Variants in YEATS4 observed in about 807,000 individuals in gnomAD.
The protein encoded by YEATS4 is YEATS domain-containing protein 4.
A neutral mutation model predicts 30.1 loss-of-function variants in YEATS4; 17 were observed. The ratio of observed to expected loss-of-function variants is 0.56; its 90% CI spans 0.39 to 0.85. The LOEUF is 0.85. Ranked by LOEUF, YEATS4 falls within the 40% of genes least tolerant of loss-of-function variation. The pLI, the probability that YEATS4 is intolerant of heterozygous loss-of-function variation, is 0.00. For missense variants in YEATS4, 142 were observed against 268.3 expected (o/e 0.53, Z 3.29); for synonymous variants, 85 against 87.5 (o/e 0.97, Z 0.16).
chr12:69,420,952 G>A, the YEATS4 span, among the ~76,000 whole-genome samples: 2 of 152,144 alleles, frequency 1.3e-5, no homozygotes, highest in Non-Finnish European at 2.9e-5. Context: ...TTTAAGGTTT[G>A]TCCATGTTGT....
intron 6 of YEATS4, among the ~76,000 whole-genome samples, chr12:69,383,994 A>G (rs1015329002): frequency 6.6e-6 from 1 of 152,194 alleles, no homozygotes; most frequent in African/African-American, 2.4e-5. Context: ...CTGTTTAACA[A>G]TTAGTGGTTA....
At chr12:69,369,073 A>T (rs11177622) in intron 4 of YEATS4, among the ~76,000 whole-genome samples, 1,862 of 152,202 alleles carry the variant, frequency 0.012, 22 homozygotes, top group African/African-American at 0.029. Context: ...AACAAAATAT[A>T]CCTTTTGCAG....
At chr12:69,417,401 C>A in the YEATS4 span, among the ~76,000 whole-genome samples, 4 of 152,056 alleles carry the variant, frequency 2.6e-5, no homozygotes, top group East Asian at 7.8e-4. Flanking sequence ...CTCAAGTAAT[C>A]CTCCCGCCTC....
chr12:69,374,546 G>A (rs925823993), intron 6 of YEATS4, among the ~76,000 whole-genome samples: 9 of 152,094 alleles, frequency 5.9e-5, no homozygotes, highest in African/African-American at 2.2e-4. Flanking sequence ...CCTAGGCAGA[G>A]GGCCCTGCTG....
At chr12:69,370,603 C>T in intron 4 of YEATS4, 103 bp from the exon 5 acceptor site, 4 of 867,246 alleles carry the variant, frequency 4.6e-6, no homozygotes, top group Non-Finnish European at 6.5e-6. Flanking sequence ...ATGAATTTGA[C>T]ATGTATATAC....
Position 69,365,918 on chromosome 12 carries a change from G to T in YEATS4, c.333+34G>T, listed in dbSNP as rs753459537. Reference sequence around the variant, plus strand: ...CATTAATCTTTGTAAATATAAAATAGATTTCTTAGTAAATGTGAACATGTA... The same window carrying T: ...CATTAATCTTTGTAAATATAAAATATATTTCTTAGTAAATGTGAACATGTA... On this transcript the variant is annotated intron_variant, in intron 4 of 6. Coordinates refer to ENST00000247843, the MANE Select transcript of YEATS4 (RefSeq NM_006530.4). The T allele has an allele frequency of 6.2e-6, 9 of 1,442,890 alleles. No homozygotes were observed. In the African/African-American group the frequency reaches 1.0e-4, roughly 16 times the overall value. The allele number at this position is 1,442,890 out of a possible 1,614,324, so 89.4% of individuals were successfully genotyped here.
the YEATS4 span, among the ~76,000 whole-genome samples, chr12:69,417,371 G>A: frequency 1.4e-4 from 21 of 151,202 alleles, no homozygotes; most frequent in African/African-American, 1.9e-4. Context: ...TGTGGCCCAG[G>A]CTGGTCTTCA....
the YEATS4 span, among the ~76,000 whole-genome samples, chr12:69,402,199 CCTCT>C: frequency 1.3e-5 from 2 of 152,154 alleles, no homozygotes; most frequent in Non-Finnish European, 2.9e-5. Context: ...CTTGGCTTTT[CCTCT>C]CTCTATTCTA....
the YEATS4 span, chr12:69,401,185 G>A: frequency 1.3e-5 from 2 of 148,910 alleles, no homozygotes; most frequent in African/African-American, 4.9e-5. Flanking sequence ...GGGCAACACA[G>A]TGAGACCTTG....
intron 6 of YEATS4, among the ~76,000 whole-genome samples, chr12:69,377,193 A>C (rs191174797): frequency 1.8e-4 from 28 of 151,660 alleles, no homozygotes; most frequent in Admixed American, 1.8e-3. Context: ...TTTTACTCTG[A>C]TCTTTTTTCC....
the YEATS4 span, among the ~76,000 whole-genome samples, chr12:69,424,913 A>T: frequency 6.6e-6 from 1 of 151,962 alleles, no homozygotes; most frequent in East Asian, 1.9e-4. Context: ...GTATATATTT[A>T]TTATTTATTT....
intron 6 of YEATS4, among the ~76,000 whole-genome samples, chr12:69,375,574 C>T (rs1415643332): frequency 2.0e-5 from 3 of 152,170 alleles, no homozygotes; most frequent in Admixed American, 1.3e-4. Flanking sequence ...GAGGTTGTAG[C>T]GAGCAGAGAT....
chr12:69,365,618 T>C lies in YEATS4; in HGVS notation c.172-15T>C. On this transcript the variant is annotated splice_polypyrimidine_tract_variant and intron_variant, in intron 2 of 6. Coordinates refer to ENST00000247843, the MANE Select transcript of YEATS4 (RefSeq NM_006530.4). Reference sequence around the variant, plus strand: ...ATTTGTAGATCATAAAACTAACTAATTCCTTATATTTTAGGATATGTCAGC... The same window carrying C: ...ATTTGTAGATCATAAAACTAACTAACTCCTTATATTTTAGGATATGTCAGC... The C allele has an allele frequency of 6.3e-7, 1 of 1,575,338 alleles. No homozygotes were observed. Among genetic ancestry groups the C allele is most frequent in the South Asian group, 1.1e-5 (1 of 88,728 alleles).
At chr12:69,396,676 C>T in the YEATS4 span, among the ~76,000 whole-genome samples, 5 of 151,404 alleles carry the variant, frequency 3.3e-5, no homozygotes, top group Non-Finnish European at 5.9e-5. Flanking sequence ...AATTGTCACT[C>T]CTATTTGGTT....
At chr12:69,373,642 A>G (rs1765176069) in intron 6 of YEATS4, among the ~76,000 whole-genome samples, 1 of 152,054 alleles carries the variant, frequency 6.6e-6, no homozygotes, top group South Asian at 2.1e-4. Flanking sequence ...GATCCCGTTA[A>G]TCCATTTTTG....
the YEATS4 span, among the ~76,000 whole-genome samples, chr12:69,398,835 A>C: frequency 6.7e-6 from 1 of 148,982 alleles, no homozygotes; most frequent in East Asian, 2.0e-4. Context: ...AAAAACGGCA[A>C]ATTGATCTTC....
chr12:69,365,077 A>G (rs1039840024), intron 2 of YEATS4, among the ~76,000 whole-genome samples: 5 of 152,212 alleles, frequency 3.3e-5, no homozygotes, highest in African/African-American at 9.7e-5. Flanking sequence ...CCAAAAAAAA[A>G]GTTAATTTGG....
chr12:69,386,665 G>A (rs948337177), intron 6 of YEATS4, among the ~76,000 whole-genome samples: 1 of 152,066 alleles, frequency 6.6e-6, no homozygotes, highest in Non-Finnish European at 1.5e-5. Flanking sequence ...GGGTATAGGG[G>A]AATACAAATT....
At chr12:69,366,478 AG>A (rs1050364237) in intron 4 of YEATS4, among the ~76,000 whole-genome samples, 3 of 152,228 alleles carry the variant, frequency 2.0e-5, no homozygotes, top group Non-Finnish European at 2.9e-5. Context: ...CAAGGCTCAG[AG>A]GTCAAGTCAC....
Sources: gnomAD v4.1 joint callset for allele counts (sites outside exome capture counted in the v4.1 genomes callset) on GRCh38, gnomAD v4.1.1 for gene constraint, MANE v1.5 for transcripts, NCBI Gene and HGNC (gene_info 2026-07-23, HGNC 2026-07-21) for gene names.